The following LDLRAD4 variants were observed in gnomAD, a reference collection of about 807,000 sequenced individuals.
LDLRAD4 encodes low density lipoprotein receptor class A domain containing 4.
LDLRAD4 carries 5 observed loss-of-function variants against 17.0 expected under a neutral mutation model. That is an observed-to-expected ratio of 0.29 (90% CI 0.15 to 0.62). The LOEUF (loss-of-function observed/expected upper bound fraction) is 0.62, where lower values mean the gene tolerates loss of function less well. Among genes scored for constraint, LDLRAD4 ranks in the 20% least tolerant of loss-of-function variants. The pLI, the probability that LDLRAD4 is intolerant of heterozygous loss-of-function variation, is 0.84. For synonymous variants in LDLRAD4, 168 were observed against 171.8 expected, an observed-to-expected ratio of 0.98 and a Z score of 0.17; for missense variants, 340 against 424.7, an observed-to-expected ratio of 0.80 and a Z score of 1.75.
intron 1 of LDLRAD4, among the ~76,000 whole-genome samples, chr18:13,380,464 T>C (rs1484730344): frequency 6.6e-6 from 1 of 152,114 alleles, no homozygotes; most frequent in African/African-American, 2.4e-5. Flanking sequence ...CTTCAACCTG[T>C]CCCCTCTCCC....
chr18:13,281,931 G>A (rs766376414), intron 1 of LDLRAD4, among the ~76,000 whole-genome samples: 3 of 152,156 alleles, frequency 2.0e-5, no homozygotes, highest in Non-Finnish European at 2.9e-5. Context: ...AAGAAAAGGA[G>A]GTTTAATTGG....
intron 3 of LDLRAD4, among the ~76,000 whole-genome samples, chr18:13,469,730 A>G (rs1291692986): frequency 1.3e-5 from 2 of 151,792 alleles, no homozygotes; most frequent in African/African-American, 4.8e-5. Flanking sequence ...GGAGGGAAGA[A>G]TTGAGACTTT....
At chr18:13,332,734 C>T (rs78385985) in intron 1 of LDLRAD4, among the ~76,000 whole-genome samples, 2,162 of 136,440 alleles carry the variant, frequency 0.016, 50 homozygotes, top group African/African-American at 0.053. Context: ...CTTGATAGCT[C>T]ATTTTTTTTG....
intron 1 of LDLRAD4, among the ~76,000 whole-genome samples, chr18:13,312,927 C>G (rs564913310): frequency 1.7e-4 from 26 of 152,262 alleles, no homozygotes; most frequent in Middle Eastern, 3.4e-3. Flanking sequence ...TCTGACCCAC[C>G]TGGACTTTGA....
At chr18:13,589,765 G>C (rs2094985680) in intron 3 of LDLRAD4, among the ~76,000 whole-genome samples, 1 of 152,228 alleles carries the variant, frequency 6.6e-6, no homozygotes, top group Non-Finnish European at 1.5e-5. Flanking sequence ...CTCAGAGAAG[G>C]GAGAAGAGGG....
intron 1 of LDLRAD4, among the ~76,000 whole-genome samples, chr18:13,306,322 A>T (rs2046911333): frequency 6.6e-6 from 1 of 152,224 alleles, no homozygotes; most frequent in East Asian, 1.9e-4. Context: ...GAAGGCCTGG[A>T]CAGTGAGAAC....
At chr18:13,608,167 A>G (rs1180166937) in intron 3 of LDLRAD4, among the ~76,000 whole-genome samples, 1 of 152,218 alleles carries the variant, frequency 6.6e-6, no homozygotes, top group Admixed American at 6.5e-5. Context: ...TGAAAAAAAA[A>G]AAAAGCTCAT....
intron 2 of LDLRAD4, among the ~76,000 whole-genome samples, chr18:13,430,883 C>A (rs2090292269): frequency 6.6e-6 from 1 of 152,166 alleles, no homozygotes; most frequent in African/African-American, 2.4e-5. Context: ...AGCAGGACCC[C>A]TGCCACTCCA....
Position 13,371,460 on chromosome 18 carries a change from A to T in LDLRAD4, c.-382-15881A>T, listed in dbSNP as rs150679462. ...TGCACTGGTGCACTGTCCACTAGGG[A>T]GGCTGAGTACATCAGAACCCACAGT... is the stretch of plus-strand genomic sequence containing the variant. On this transcript the variant is annotated intron_variant, in intron 1 of 5. Coordinates refer to ENST00000359446, the Ensembl canonical transcript of LDLRAD4. 1.9e-3 allele frequency among the ~76,000 whole-genome samples: 284 copies of T among 152,310 alleles called. 2 individuals are homozygous for T. Among genetic ancestry groups the T allele is most frequent in the African/African-American group, 6.6e-3 (275 of 41,570 alleles).
At chr18:13,368,113 G>A (rs896138106) in intron 1 of LDLRAD4, among the ~76,000 whole-genome samples, 1 of 152,120 alleles carries the variant, frequency 6.6e-6, no homozygotes, top group Non-Finnish European at 1.5e-5. Flanking sequence ...TGGTGCGAGT[G>A]AGCCTTTCTA....
At chr18:13,293,469 C>T (rs1394815067) in intron 1 of LDLRAD4, among the ~76,000 whole-genome samples, 1 of 152,166 alleles carries the variant, frequency 6.6e-6, no homozygotes, top group East Asian at 1.9e-4. Flanking sequence ...AACACCTCCT[C>T]ATGTAGAAGT....
At chr18:13,443,368 G>A (rs2091159225) in intron 3 of LDLRAD4, among the ~76,000 whole-genome samples, 2 of 152,100 alleles carry the variant, frequency 1.3e-5, no homozygotes, top group African/African-American at 4.8e-5. Context: ...AGGACTTGGG[G>A]ATCAGGCTCA....
At chr18:13,601,403 T>G (rs1191102664) in intron 3 of LDLRAD4, among the ~76,000 whole-genome samples, 1 of 151,394 alleles carries the variant, frequency 6.6e-6, no homozygotes, top group African/African-American at 2.4e-5. Flanking sequence ...ATAAGAGAAA[T>G]GCAAATCAAA....
Position 13,622,458 on chromosome 18 carries a change from C to T in LDLRAD4, c.336+1187C>T, listed in dbSNP as rs538534911. 2.7e-3 allele frequency among the ~76,000 whole-genome samples: 416 copies of T among 152,250 alleles called. No homozygotes were observed. Among genetic ancestry groups the T allele is most frequent in the Non-Finnish European group, 4.4e-3 (296 of 68,002 alleles). ...GGGGAAGACGTGCACCCTTGACAGC[C>T]GTTTCCTCCTCTTGCCCCCTGCATC... On this transcript the variant is annotated intron_variant, in intron 4 of 5. Coordinates refer to ENST00000359446, the Ensembl canonical transcript of LDLRAD4. The surrounding 1 kb of genome is among the most constrained non-coding windows in gnomAD (Gnocchi z 5.3).
intron 1 of LDLRAD4, among the ~76,000 whole-genome samples, chr18:13,260,113 TTAAA>T (rs1235474961): frequency 1.3e-5 from 2 of 152,280 alleles, no homozygotes; most frequent in African/African-American, 4.8e-5. Context: ...TTACTTCCCC[TTAAA>T]TAGAGAAGAC....
At chr18:13,362,647 G>A (rs1231524197) in intron 1 of LDLRAD4, 1 of 152,166 alleles carries the variant, frequency 6.6e-6, no homozygotes, top group Non-Finnish European at 1.5e-5. Context: ...AAATTTAAAA[G>A]GTAAATGTAG....
At chr18:13,356,223 G>A (rs973649053) in intron 1 of LDLRAD4, among the ~76,000 whole-genome samples, 11 of 152,222 alleles carry the variant, frequency 7.2e-5, no homozygotes, top group African/African-American at 2.4e-4. Context: ...GCAGGCCACT[G>A]GGCATGACCT....
At chr18:13,269,817 C>G (rs1205008200) in intron 1 of LDLRAD4, among the ~76,000 whole-genome samples, 1 of 152,210 alleles carries the variant, frequency 6.6e-6, no homozygotes, top group Non-Finnish European at 1.5e-5. Context: ...TTCTTCGACC[C>G]CTTCCTCCTG....
intron 3 of LDLRAD4, among the ~76,000 whole-genome samples, chr18:13,573,885 C>A (rs76186822): frequency 1.3e-5 from 2 of 152,156 alleles, no homozygotes; most frequent in East Asian, 3.9e-4. Context: ...CCAGACATTC[C>A]GTGGGTGACG....
Sources: allele counts gnomAD v4.1 joint callset (sites outside exome capture counted in the v4.1 genomes callset), GRCh38; gene constraint gnomAD v4.1.1; non-coding constraint Gnocchi (gnomAD v3.1); transcripts MANE v1.5; gene names NCBI Gene and HGNC (gene_info 2026-07-23, HGNC 2026-07-21).